GRAMD1B: variants seen among roughly 807,000 people sequenced by gnomAD.
GRAMD1B encodes the protein protein Aster-B.
GRAMD1B carries 37 observed loss-of-function variants against 99.7 expected under a neutral mutation model. That is an observed-to-expected ratio of 0.37 (90% CI 0.29 to 0.49). The LOEUF is 0.49. Among genes scored for constraint, GRAMD1B ranks in the 20% least tolerant of loss-of-function variants. GRAMD1B has a pLI of 0.98. For missense variants in GRAMD1B, 888 were observed against 1,009.2 expected (o/e 0.88, Z 1.63); for synonymous variants, 427 against 387.6 (o/e 1.10, Z -1.19).
chr11:123,516,479 T>C (rs1382796749), intron 2 of GRAMD1B, among the ~76,000 whole-genome samples: 2 of 152,208 alleles, frequency 1.3e-5, no homozygotes, highest in African/African-American at 4.8e-5. Flanking sequence ...ATAGTAGCAA[T>C]ATGTTCCGAA....
intron 2 of GRAMD1B, among the ~76,000 whole-genome samples, chr11:123,555,538 T>C (rs1398997353): frequency 6.6e-6 from 1 of 151,548 alleles, no homozygotes; most frequent in Non-Finnish European, 1.5e-5. Context: ...TCAGTAGAGA[T>C]GGGGTTTCAC....
intron 1 of GRAMD1B, among the ~76,000 whole-genome samples, chr11:123,382,280 G>T (rs556460860): frequency 2.0e-5 from 3 of 152,122 alleles, no homozygotes; most frequent in Admixed American, 6.5e-5. Context: ...CAAGACCAGC[G>T]CTGGGAAGAG....
chr11:123,397,664 A>C (rs568593210), intron 1 of GRAMD1B, among the ~76,000 whole-genome samples: 1 of 151,856 alleles, frequency 6.6e-6, no homozygotes, highest in Non-Finnish European at 1.5e-5. Flanking sequence ...GCCACATCTG[A>C]CTAATTTTTT....
chr11:123,554,930 C>T (rs1293771846), intron 2 of GRAMD1B, among the ~76,000 whole-genome samples: 1 of 152,180 alleles, frequency 6.6e-6, no homozygotes, highest in Non-Finnish European at 1.5e-5. Flanking sequence ...GGCCATTGCC[C>T]AGTGTATGGC....
rs761115614 is a variant in GRAMD1B, at chr11:123,363,286, C to A, written c.-176+4487C>A. 6.3e-4 allele frequency among the ~76,000 whole-genome samples: 96 copies of A among 152,280 alleles called. 2 individuals carry two copies. The highest frequency in any genetic ancestry group is 6.8e-3 in the Middle Eastern group (2 of 294). On this transcript the variant is annotated intron_variant, in intron 1 of 20. Coordinates refer to the GRAMD1B transcript ENST00000638157. ...AATTAAACAAATGACCCCGTGATGG[C>A]GTTTTCATGAAGATTTTATCCAGCA... is the stretch of plus-strand genomic sequence containing the variant.
intron 7 of GRAMD1B, chr11:123,598,395 C>A (rs1482136454): frequency 2.1e-6 from 2 of 952,694 alleles, no homozygotes; most frequent in African/African-American, 3.2e-5. Flanking sequence ...TCGCTCTTCT[C>A]CTGTCCTTGC....
At chr11:123,421,126 G>A (rs1483803313) in intron 1 of GRAMD1B, among the ~76,000 whole-genome samples, 5 of 152,192 alleles carry the variant, frequency 3.3e-5, no homozygotes, top group African/African-American at 1.2e-4. Flanking sequence ...CAAGTAAAAT[G>A]TATTAGGGTA....
At chr11:123,567,841 G>C (rs1441756590) in intron 2 of GRAMD1B, among the ~76,000 whole-genome samples, 4 of 152,164 alleles carry the variant, frequency 2.6e-5, no homozygotes, top group Non-Finnish European at 4.4e-5. Context: ...TCTGGACTGA[G>C]AACACCACTG....
At chr11:123,484,768 C>T (rs61260916) in intron 2 of GRAMD1B, among the ~76,000 whole-genome samples, 2,532 of 152,242 alleles carry the variant, frequency 0.017, 81 homozygotes, top group African/African-American at 0.057. Context: ...CTGCTGGGTT[C>T]CTTCTCCTGG....
rs1191446873 is a variant in GRAMD1B, at chr11:123,626,851, A to C, written c.*4256A>C. The C allele has an allele frequency of 1.3e-5, 2 of 152,288 alleles. No individual in the cohort carries two copies. The highest frequency in any genetic ancestry group is 4.8e-5 in the African/African-American group (2 of 41,434). 9.4% of individuals were successfully genotyped at this position (152,288 alleles called of 1,614,324 possible). A position where few individuals can be genotyped will look rare whatever the true frequency, so the allele number is the denominator to read the frequency against. ...GGGTCTGAGAGGAGCATTTTCCTGG[A>C]AGGCCATCTTTTAAGGCCCCTGCTT... On this transcript the variant is annotated 3_prime_UTR_variant, in exon 20 of 20. Coordinates refer to ENST00000635736, the MANE Select transcript of GRAMD1B (RefSeq NM_001387025.1).
At chr11:123,548,315 T>C (rs375054360) in intron 2 of GRAMD1B, among the ~76,000 whole-genome samples, 10,199 of 90,512 alleles carry the variant, frequency 0.11, 588 homozygotes, top group African/African-American at 0.18. Context: ...TATATATATA[T>C]ATATATATAT....
At chr11:123,412,655 G>A (rs2135977413) in intron 1 of GRAMD1B, among the ~76,000 whole-genome samples, 1 of 152,212 alleles carries the variant, frequency 6.6e-6, no homozygotes, top group East Asian at 1.9e-4. Context: ...CAAAAATGTT[G>A]TGCTGATATA....
intron 1 of GRAMD1B, among the ~76,000 whole-genome samples, chr11:123,368,700 A>AT (rs1333951896): frequency 6.7e-6 from 1 of 149,304 alleles, no homozygotes; most frequent in African/African-American, 2.5e-5. Flanking sequence ...AAAAAAAAAA[A>AT]AAGAAAGAAA....
rs1382993582 is a variant in GRAMD1B, at chr11:123,436,926, C to A, written c.374+5760C>A. ...CGCTCACCCTACCCCACAACAGGCC[C>A]TGGTGTGTGATGTTCCCCTTCCTGT... On this transcript the variant is annotated intron_variant, in intron 1 of 19. Transcript: ENST00000635736. Among the ~76,000 whole-genome samples, 8 of 152,132 alleles carry A rather than the reference C, an allele frequency of 5.3e-5. No homozygotes were observed. The East Asian group carries it at 1.3e-3, about 26-fold the overall frequency.
chr11:123,589,272 G>C (rs1369821072), intron 4 of GRAMD1B, among the ~76,000 whole-genome samples: 2 of 151,860 alleles, frequency 1.3e-5, no homozygotes, highest in Non-Finnish European at 2.9e-5. Flanking sequence ...GTGTCCTTCA[G>C]ACAGAGTGAG....
chr11:123,573,488 C>T (rs1948385126), intron 2 of GRAMD1B, among the ~76,000 whole-genome samples: 2 of 152,150 alleles, frequency 1.3e-5, no homozygotes. Context: ...TCTTTCTGTC[C>T]ACCGGGCAAA....
chr11:123,625,156 G>C lies in GRAMD1B; in HGVS notation c.*2561G>C, dbSNP rs1565486842. Reference sequence around the variant, plus strand: ...GCGAAAGACATCTTAACTCACCCTTGCAGATAAGTCTTGGAGTGAAACAAA... The same window carrying C: ...GCGAAAGACATCTTAACTCACCCTTCCAGATAAGTCTTGGAGTGAAACAAA... On this transcript the variant is annotated 3_prime_UTR_variant, in exon 20 of 20. Transcript: ENST00000635736. The C allele has an allele frequency of 6.6e-6, 1 of 152,164 alleles. No homozygotes were observed. Among genetic ancestry groups the C allele is most frequent in the Non-Finnish European group, 1.5e-5 (1 of 68,036 alleles). 9.4% of individuals were successfully genotyped at this position (152,164 alleles called of 1,614,324 possible). A position where few individuals can be genotyped will look rare whatever the true frequency, so the allele number is the denominator to read the frequency against.
At chr11:123,498,399 A>G (rs2135130378) in intron 2 of GRAMD1B, among the ~76,000 whole-genome samples, 1 of 152,322 alleles carries the variant, frequency 6.6e-6, no homozygotes, top group East Asian at 1.9e-4. Context: ...TTCATGCTGC[A>G]CATCCACTGC....
chr11:123,515,859 C>T (rs190888828), intron 2 of GRAMD1B, among the ~76,000 whole-genome samples: 29 of 152,160 alleles, frequency 1.9e-4, no homozygotes, highest in African/African-American at 6.7e-4. Context: ...CTTCCGCCTC[C>T]GGGGCTCCAG....
Sources: gnomAD v4.1 joint callset for allele counts (sites outside exome capture counted in the v4.1 genomes callset) on GRCh38, gnomAD v4.1.1 for gene constraint, MANE v1.5 for transcripts, NCBI Gene and HGNC (gene_info 2026-07-23, HGNC 2026-07-21) for gene names.